Variants in GMDS observed in about 807,000 individuals in gnomAD.
GMDS encodes the protein GDP-mannose 4,6-dehydratase.
GMDS carries 20 observed loss-of-function variants against 49.9 expected under a neutral mutation model. The ratio of observed to expected loss-of-function variants is 0.40; its 90% CI spans 0.28 to 0.58. The LOEUF is 0.58. GMDS is among the 20% of genes least tolerant of loss of function. The pLI, the probability that GMDS is intolerant of heterozygous loss-of-function variation, is 0.42. For missense variants in GMDS, 362 were observed against 481.4 expected (o/e 0.75, Z 2.32); for synonymous variants, 177 against 178.6 (o/e 0.99, Z 0.07).
At chr6:1,682,290 C>A (rs1764817337) in intron 9 of GMDS, among the ~76,000 whole-genome samples, 1 of 152,216 alleles carries the variant, frequency 6.6e-6, no homozygotes, top group Non-Finnish European at 1.5e-5. Flanking sequence ...AGGTACACTT[C>A]ATAACACCTT....
intron 7 of GMDS, among the ~76,000 whole-genome samples, chr6:1,785,060 CAG>C (rs1314693047): frequency 7.9e-5 from 12 of 152,136 alleles, no homozygotes; most frequent in Non-Finnish European, 1.8e-4. Context: ...TTTAGTCTAA[CAG>C]GGCAAGAATC....
At chr6:1,950,427 G>A (rs114537785) in intron 6 of GMDS, among the ~76,000 whole-genome samples, 6,710 of 152,248 alleles carry the variant, frequency 0.044, 496 homozygotes, top group African/African-American at 0.15. Flanking sequence ...GGAGGCTTGG[G>A]AGGGTCCCAA....
rs542009422 is a variant in GMDS at position 2,011,661 on chromosome 6, C to T, written c.346-50695G>A. ...GGGTACGGTGACTCATGCCTGTAATCCCAACACTTTGAAAGGCTGAGGTGG... is the reference window on the plus strand; with the variant it reads ...GGGTACGGTGACTCATGCCTGTAATTCCAACACTTTGAAAGGCTGAGGTGG... On this transcript the variant is annotated intron_variant, in intron 4 of 10. Transcript: ENST00000380815. Among the ~76,000 whole-genome samples the T allele has an allele frequency of 2.0e-5, 3 of 152,270 alleles. No homozygotes were observed. In the South Asian group the frequency reaches 6.2e-4, roughly 32 times the overall value.
intron 9 of GMDS, among the ~76,000 whole-genome samples, chr6:1,644,188 G>A (rs1411927555): frequency 6.6e-5 from 10 of 152,224 alleles, no homozygotes; most frequent in Admixed American, 6.5e-4. Context: ...CTTCCTCCAG[G>A]GACCCACGCG....
chr6:1,753,588 C>A (rs945245717), intron 7 of GMDS, among the ~76,000 whole-genome samples: 5 of 152,182 alleles, frequency 3.3e-5, no homozygotes, highest in African/African-American at 9.7e-5. Context: ...AATATAATTT[C>A]TTCTCAGCAC....
chr6:2,077,384 T>A (rs1221093659), intron 4 of GMDS, among the ~76,000 whole-genome samples: 1 of 152,164 alleles, frequency 6.6e-6, no homozygotes, highest in Non-Finnish European at 1.5e-5. Context: ...GACTTTCAAC[T>A]TTTCCCCATT....
intron 9 of GMDS, among the ~76,000 whole-genome samples, chr6:1,712,057 C>T (rs1157735513): frequency 6.6e-6 from 1 of 152,188 alleles, no homozygotes; most frequent in Non-Finnish European, 1.5e-5. Context: ...TGCTTAGAAA[C>T]GGACTCTAAG....
chr6:2,003,664 T>G (rs1024252634), intron 4 of GMDS, among the ~76,000 whole-genome samples: 2 of 152,186 alleles, frequency 1.3e-5, no homozygotes, highest in Non-Finnish European at 2.9e-5. Flanking sequence ...AGCAGTTAAA[T>G]TGGAGTACAA....
At chr6:2,206,360 A>T (rs1779807104) in intron 1 of GMDS, among the ~76,000 whole-genome samples, 1 of 152,034 alleles carries the variant, frequency 6.6e-6, no homozygotes, top group African/African-American at 2.4e-5. Context: ...TCTCAACCCA[A>T]GTGGAGTGTG....
intron 6 of GMDS, among the ~76,000 whole-genome samples, chr6:1,956,942 C>T (rs569244226): frequency 1.3e-5 from 2 of 151,986 alleles, no homozygotes; most frequent in African/African-American, 4.8e-5. Flanking sequence ...GCTGGGATTA[C>T]AGGCACCCAC....
At chr6:2,209,816 C>T (rs1376340317) in intron 1 of GMDS, among the ~76,000 whole-genome samples, 1 of 152,110 alleles carries the variant, frequency 6.6e-6, no homozygotes, top group Non-Finnish European at 1.5e-5. Context: ...TAATGCTAGG[C>T]TTAAGACAGA....
At chr6:1,705,334 T>C (rs1169558864) in intron 9 of GMDS, among the ~76,000 whole-genome samples, 1 of 152,206 alleles carries the variant, frequency 6.6e-6, no homozygotes, top group Non-Finnish European at 1.5e-5. Context: ...GGTGGACATT[T>C]GCCCTGTGCT....
At chr6:2,232,156 G>GT (rs34392245) in intron 1 of GMDS, among the ~76,000 whole-genome samples, 85,509 of 148,936 alleles carry the variant, frequency 0.57, 27,026 homozygotes, top group African/African-American at 0.83. Context: ...TGTAAAACGG[G>GT]TTTTTTTTTT....
intron 4 of GMDS, among the ~76,000 whole-genome samples, chr6:2,014,083 C>A (rs1434821390): frequency 6.7e-6 from 1 of 148,392 alleles, no homozygotes; most frequent in Non-Finnish European, 1.5e-5. Context: ...AAACACCCAA[C>A]AAACTAAAAT....
intron 1 of GMDS, among the ~76,000 whole-genome samples, chr6:2,186,224 C>G (rs234918): frequency 0.16 from 23,770 of 152,090 alleles, 4,230 homozygotes; most frequent in African/African-American, 0.43. Context: ...ACAGCCTATG[C>G]GGACCGCTGC....
intron 7 of GMDS, among the ~76,000 whole-genome samples, chr6:1,895,795 T>C (rs1326696187): frequency 6.6e-6 from 1 of 152,166 alleles, no homozygotes; most frequent in Non-Finnish European, 1.5e-5. Flanking sequence ...TTGGCCCCTC[T>C]CTTTGTTTCT....
At chr6:1,768,317 T>A (rs1008625293) in intron 7 of GMDS, among the ~76,000 whole-genome samples, 5 of 152,244 alleles carry the variant, frequency 3.3e-5, no homozygotes, top group South Asian at 2.1e-4. Context: ...AGAACGACAG[T>A]ATAATCAATA....
chr6:1,800,623 TTCTTTC>T (rs1769911787), intron 7 of GMDS, among the ~76,000 whole-genome samples: 1 of 150,674 alleles, frequency 6.6e-6, no homozygotes. Flanking sequence ...TTCTTTTTCT[TTCTTTC>T]TTTTTTTTTT....
chr6:2,158,270 C>T (rs904078297), intron 1 of GMDS, among the ~76,000 whole-genome samples: 1 of 151,936 alleles, frequency 6.6e-6, no homozygotes, highest in Non-Finnish European at 1.5e-5. Context: ...CAAAATAAAA[C>T]ATATGTACGC....
Sources: gnomAD v4.1 joint callset for allele counts (sites outside exome capture counted in the v4.1 genomes callset) on GRCh38, gnomAD v4.1.1 for gene constraint, MANE v1.5 for transcripts, NCBI Gene and HGNC (gene_info 2026-07-23, HGNC 2026-07-21) for gene names.